Variants in DNAH10 observed in about 807,000 individuals in gnomAD.
The protein encoded by DNAH10 is axonemal beta dynein heavy chain 10.
A neutral mutation model predicts 506.6 loss-of-function variants in DNAH10; 348 were observed. That is an observed-to-expected ratio of 0.69 (90% CI 0.63 to 0.75). The LOEUF (loss-of-function observed/expected upper bound fraction) is 0.75, where lower values mean the gene tolerates loss of function less well. DNAH10 is among the 30% of genes least tolerant of loss of function. The pLI is 0.00. For missense variants in DNAH10, 5,179 were observed against 5,787.1 expected, an observed-to-expected ratio of 0.89 and a Z score of 3.41; for synonymous variants, 2,059 against 2,198.6, an observed-to-expected ratio of 0.94 and a Z score of 1.78.
At chr12:123,776,354 A>G (rs766216369) in intron 5 of DNAH10, among the ~76,000 whole-genome samples, 1 of 152,050 alleles carries the variant, frequency 6.6e-6, no homozygotes, top group Non-Finnish European at 1.5e-5. Context: ...GCACTTTAGG[A>G]GGGTGAGGCG....
At chr12:123,804,080 CG>C (rs1480548236) in intron 17 of DNAH10, among the ~76,000 whole-genome samples, 2 of 152,030 alleles carry the variant, frequency 1.3e-5, no homozygotes, top group Admixed American at 6.6e-5. Flanking sequence ...TTTTCTGAGA[CG>C]AGGGCTCACT....
intron 11 of DNAH10, among the ~76,000 whole-genome samples, chr12:123,793,294 C>T (rs999376547): frequency 5.9e-5 from 9 of 152,026 alleles, no homozygotes; most frequent in Admixed American, 2.6e-4. Flanking sequence ...CTCACTTGCG[C>T]CCCCTATTTT....
At chr12:123,879,185 C>A in intron 48 of DNAH10, 79 bp from the exon 49 acceptor site, 1 of 1,224,362 alleles carries the variant, frequency 8.2e-7, no homozygotes, top group Non-Finnish European at 1.2e-6. Flanking sequence ...GTGTGTCTGT[C>A]TGTCTGAATG....
chr12:123,790,690 T>TGGGTA (rs1370739165), intron 11 of DNAH10, among the ~76,000 whole-genome samples: 1 of 152,000 alleles, frequency 6.6e-6, no homozygotes, highest in Non-Finnish European at 1.5e-5. Context: ...ATAACACATA[T>TGGGTA]GGGTAGTAGA....
rs1253021230 is a variant in DNAH10 at position 123,913,690 on chromosome 12, T to G, written c.10352+375T>G. 6.6e-6 allele frequency among the ~76,000 whole-genome samples: 1 copy of G among 152,234 alleles called. No individual in the cohort carries two copies. Among genetic ancestry groups the G allele is most frequent in the East Asian group, 1.9e-4 (1 of 5,198 alleles). On this transcript the variant is annotated intron_variant, in intron 60 of 78. Coordinates refer to ENST00000673944, the MANE Select transcript of DNAH10 (RefSeq NM_001372106.1). This position sits in a 1 kb window ranked among gnomAD's most constrained non-coding sequence, Gnocchi z 5.1. The stretch of plus-strand genomic sequence containing the variant: ...CCATCTCTGTCACCGCACAGATGCC[T>G]TCTAAGGGTCCCAGTGGCTTGTTCA...
At chr12:123,807,502 C>T (rs913191355) in intron 18 of DNAH10, among the ~76,000 whole-genome samples, 16 of 151,998 alleles carry the variant, frequency 1.1e-4, no homozygotes, top group East Asian at 7.7e-4. Flanking sequence ...TGAGCTGAAA[C>T]GGGGAAGAGC....
intron 67 of DNAH10, 92 bp downstream of exon 67, chr12:123,924,524 C>T: frequency 6.8e-7 from 1 of 1,479,984 alleles, no homozygotes; most frequent in Non-Finnish European, 9.1e-7. Flanking sequence ...AGAGAAGACA[C>T]TCCTTTGAGT....
rs1451742820 is a variant in DNAH10 at position 123,848,017 on chromosome 12, C to T, written c.5871C>T (p.Thr1957=). The change falls in exon 33 of 79, where the codon ACC becomes ACT. Residue 1957 remains threonine, a synonymous_variant. Coordinates refer to ENST00000673944, the MANE Select transcript of DNAH10 (RefSeq NM_001372106.1). The part of the protein sequence containing the change: ...APAGPAGTGK[T]ETTKDLAKAL... ...CCGGCCCAGCAGGAACCGGCAAAAC[C>T]GAGACCACCAAGGACCTGGCGAAAG... The T allele has an allele frequency of 7.4e-6, 12 of 1,613,862 alleles. No individual in the cohort carries two copies. Among genetic ancestry groups the T allele is most frequent in the African/African-American group, 2.7e-5 (2 of 74,930 alleles).
In DNAH10 at chr12:123,877,907, C is replaced by A. The variant is rs1165204188; in HGVS notation, c.8371C>A (p.Arg2791=). 1 of 1,612,918 alleles carries A rather than the reference C, an allele frequency of 6.2e-7. No individual in the cohort carries two copies. Among genetic ancestry groups the A allele is most frequent in the Admixed American group, 1.7e-5 (1 of 59,780 alleles). The change falls in exon 48 of 79, where the codon CGA becomes AGA. Residue 2791 remains arginine (R), a splice_region_variant and synonymous_variant. Transcript: ENST00000673944. The part of the protein sequence containing the change: ...FNGLVLTNPE[R]FQTVAQMVRV... ...TGGTCTTGTCCTCACTAACCCGGAGCGGTGAGTTTGATTTATCTTACTAAA... is the reference window on the plus strand; with the variant it reads ...TGGTCTTGTCCTCACTAACCCGGAGAGGTGAGTTTGATTTATCTTACTAAA...
Position 123,857,040 on chromosome 12 carries a change from G to A in DNAH10, c.6439-16G>A, listed in dbSNP as rs763642193. 2.8e-5 allele frequency: 45 copies of A among 1,597,102 alleles called. No homozygotes were observed. The highest frequency in any genetic ancestry group is 3.8e-5 in the Non-Finnish European group (44 of 1,171,534). On this transcript the variant is annotated splice_polypyrimidine_tract_variant and intron_variant, in intron 36 of 78. Transcript: ENST00000673944. ...CTTTGGAAATCTCTTGGAAACATGT[G>A]TTTCATTTCCTGCAGGACGTGGTGC...
At chr12:123,930,657 G>A in intron 73 of DNAH10, 84 bp downstream of exon 73, 1 of 1,494,378 alleles carries the variant, frequency 6.7e-7, no homozygotes, top group South Asian at 1.3e-5. Flanking sequence ...TCTCCTGGTG[G>A]GGGCTCCTCG....
intron 76 of DNAH10, chr12:123,932,548 A>G (rs1051688266): frequency 3.2e-5 from 5 of 158,160 alleles, no homozygotes; most frequent in Admixed American, 1.2e-4. Context: ...GCATAGGGGT[A>G]TATTCCATGG....
At chr12:123,900,900 TTTCCCATACA>T (rs1339760285) in intron 56 of DNAH10, among the ~76,000 whole-genome samples, 1 of 152,178 alleles carries the variant, frequency 6.6e-6, no homozygotes, top group East Asian at 1.9e-4. Flanking sequence ...AGGGCTCTTC[TTTCCCATACA>T]TTCCCTCAAA....
chr12:123,786,814 G>T (rs899688020), intron 9 of DNAH10, among the ~76,000 whole-genome samples: 5 of 152,082 alleles, frequency 3.3e-5, no homozygotes, highest in African/African-American at 1.2e-4. Flanking sequence ...AAGGGAGACA[G>T]ATAACTTTTT....
At chr12:123,879,494 G>A in intron 49 of DNAH10, 137 bp downstream of exon 49, 1 of 1,443,066 alleles carries the variant, frequency 6.9e-7, no homozygotes, top group East Asian at 2.4e-5. Context: ...GGGTGGGTGG[G>A]TTATTAAGCG....
At position 123,926,574 on chromosome 12, in the gene DNAH10, G is replaced by T; in HGVS notation, c.11922-63G>T. The T allele has an allele frequency of 6.4e-7, 1 of 1,563,482 alleles. No individual in the cohort carries two copies. Among genetic ancestry groups the T allele is most frequent in the South Asian group, 1.2e-5 (1 of 84,044 alleles). ...CGGAGGAGGCAGCGCTGATCAGACA[G>T]ACCAGCCCCTGGTCTGGAGCTGTCC... is the stretch of plus-strand genomic sequence containing the variant. On this transcript the variant is annotated intron_variant, in intron 68 of 78. Coordinates refer to ENST00000673944, the MANE Select transcript of DNAH10 (RefSeq NM_001372106.1). The surrounding 1 kb of genome is among the most constrained non-coding windows in gnomAD (Gnocchi z 4.1).
chr12:123,875,649 A>G (rs767687142), intron 47 of DNAH10, among the ~76,000 whole-genome samples, 158 bp downstream of exon 47: 4 of 152,232 alleles, frequency 2.6e-5, no homozygotes, highest in Non-Finnish European at 5.9e-5. Context: ...ATCAGAAGAA[A>G]AAAATCATCT....
intron 10 of DNAH10, among the ~76,000 whole-genome samples, chr12:123,789,480 T>C (rs979816214): frequency 6.6e-6 from 1 of 151,666 alleles, no homozygotes; most frequent in Non-Finnish European, 1.5e-5. Context: ...GCCTTCCGGG[T>C]TGAAGTGATT....
At position 123,917,537 on chromosome 12, in the gene DNAH10, G is replaced by A; in HGVS notation, c.11003-47G>A. 1 of 1,532,974 alleles carries A rather than the reference G, an allele frequency of 6.5e-7. No individual in the cohort carries two copies. The highest frequency in any genetic ancestry group is 8.8e-7 in the Non-Finnish European group (1 of 1,133,726). The allele number at this position is 1,532,974 out of a possible 1,614,324, so 95.0% of individuals were successfully genotyped here. ...TCACAGCAGGGCAGCGGGAGAGACTGTTGTTGGGGGCCGCAGGTGGTGAGG... is the reference window on the plus strand; with the variant it reads ...TCACAGCAGGGCAGCGGGAGAGACTATTGTTGGGGGCCGCAGGTGGTGAGG... On this transcript the variant is annotated intron_variant, in intron 63 of 78. Transcript: ENST00000673944. The surrounding 1 kb of genome is among the most constrained non-coding windows in gnomAD (Gnocchi z 5.6).
Sources: gnomAD v4.1 joint callset for allele counts (sites outside exome capture counted in the v4.1 genomes callset) on GRCh38, gnomAD v4.1.1 for gene constraint, Gnocchi (gnomAD v3.1) non-coding constraint, MANE v1.5 for transcripts, NCBI Gene and HGNC (gene_info 2026-07-23, HGNC 2026-07-21) for gene names.